Variants in FAM185A observed in about 807,000 individuals in gnomAD.
The protein encoded by FAM185A is family with sequence similarity 185 member A, also known as protein FAM185A.
In FAM185A, 21 loss-of-function variants were observed where a neutral mutation model predicts 45.7. The ratio of observed to expected loss-of-function variants is 0.46; its 90% CI spans 0.33 to 0.66. FAM185A has a LOEUF of 0.66. FAM185A is among the 30% of genes least tolerant of loss of function. The pLI, the probability that FAM185A is intolerant of heterozygous loss-of-function variation, is 0.03. For missense variants in FAM185A, 305 were observed against 485.4 expected (o/e 0.63, Z 3.49); for synonymous variants, 117 against 194.0 (o/e 0.60, Z 3.30).
chr7:102,759,951 G>A (rs1794008838), intron 3 of FAM185A, among the ~76,000 whole-genome samples: 1 of 152,062 alleles, frequency 6.6e-6, no homozygotes, highest in African/African-American at 2.4e-5. Flanking sequence ...ACAGGATGGT[G>A]ATATTTGCTT....
rs191625830 is a variant in FAM185A, at chr7:102,777,034, A to G, written c.836-219A>G. ...TTAGAGATAAGTTATTCAGGTTAATATAGATAAAGATTTTTAAATTAGTTG... is the reference window on the plus strand; with the variant it reads ...TTAGAGATAAGTTATTCAGGTTAATGTAGATAAAGATTTTTAAATTAGTTG... On this transcript the variant is annotated intron_variant, in intron 5 of 7. Transcript: ENST00000413034. Among the ~76,000 whole-genome samples, 9 of 152,310 alleles carry G rather than the reference A, an allele frequency of 5.9e-5. No homozygotes were observed. The East Asian group carries it at 1.7e-3, about 29-fold the overall frequency.
At chr7:102,805,986 C>T (rs1308582333) in intron 7 of FAM185A, among the ~76,000 whole-genome samples, 1 of 152,148 alleles carries the variant, frequency 6.6e-6, no homozygotes, top group Non-Finnish European at 1.5e-5. Flanking sequence ...CTGAGCTTCC[C>T]CTTATCTGAA....
intron 4 of FAM185A, among the ~76,000 whole-genome samples, chr7:102,769,859 A>G (rs1169797849): frequency 2.0e-5 from 3 of 151,442 alleles, no homozygotes; most frequent in Admixed American, 2.0e-4. Flanking sequence ...CTCTTGTAAT[A>G]GCTAACCCAC....
the FAM185A span, among the ~76,000 whole-genome samples, chr7:102,829,060 A>T: frequency 0.011 from 1,736 of 152,328 alleles, 25 homozygotes; most frequent in African/African-American, 0.039. Context: ...TAGAAACAGG[A>T]CATCTTTCCG....
At chr7:102,772,939 C>T (rs1229712635) in intron 5 of FAM185A, among the ~76,000 whole-genome samples, 15 of 151,968 alleles carry the variant, frequency 9.9e-5, no homozygotes, top group Admixed American at 4.6e-4. Context: ...TCAGAGACCT[C>T]ACCTTCTCTG....
the FAM185A span, among the ~76,000 whole-genome samples, chr7:102,834,090 GAA>G: frequency 0.011 from 741 of 70,510 alleles, 31 homozygotes; most frequent in African/African-American, 0.04. Flanking sequence ...GGAAAGAAAA[GAA>G]AGAAAGAAAG....
Position 102,749,250 on chromosome 7 carries a change from C to T in FAM185A, c.43C>T (p.Leu15Phe), listed in dbSNP as rs141352868. 0.075 allele frequency: 115,699 copies of T among 1,550,834 alleles called. 5,063 individuals carry two copies. The highest frequency in any genetic ancestry group is 0.16 in the South Asian group (13,389 of 84,044). ...AGGTTGGGAGCTTGGCTGCTTCCGT[C>T]TCTGTCTCCGTCAGGTCCGACTGTG... ...CSGWELGCFRLCLRQVRLWAG... is the reference protein window; with the variant it reads ...CSGWELGCFRFCLRQVRLWAG... The change falls in exon 1 of 8, where the codon CTC (leucine) becomes TTC (phenylalanine). Residue 15 changes from leucine to phenylalanine, a missense_variant. By Grantham distance (22) the Leu-to-Phe change is conservative (BLOSUM62 0). Transcript: ENST00000413034.
At chr7:102,803,346 T>C (rs1048954949) in intron 7 of FAM185A, among the ~76,000 whole-genome samples, 10 of 152,188 alleles carry the variant, frequency 6.6e-5, no homozygotes, top group African/African-American at 2.4e-4. Flanking sequence ...ATCAAGTGGG[T>C]TCCATACCAG....
intron 6 of FAM185A, 108 bp downstream of exon 6, chr7:102,777,456 A>T: frequency 1.4e-6 from 1 of 701,612 alleles, no homozygotes; most frequent in Non-Finnish European, 2.2e-6. Flanking sequence ...GATTTCAAGA[A>T]AATATCTTCT....
chr7:102,793,305 G>A (rs908508451), intron 7 of FAM185A, among the ~76,000 whole-genome samples: 1 of 151,990 alleles, frequency 6.6e-6, no homozygotes, highest in Admixed American at 6.6e-5. Context: ...TCTGCCTCCC[G>A]GGTTCCAGGG....
chr7:102,827,578 A>T, the FAM185A span, among the ~76,000 whole-genome samples: 12 of 152,014 alleles, frequency 7.9e-5, no homozygotes, highest in South Asian at 1.2e-3. Flanking sequence ...CACAATGTGC[A>T]TGTTTGTTAC....
intron 4 of FAM185A, among the ~76,000 whole-genome samples, chr7:102,770,679 G>C (rs1033759965): frequency 6.6e-6 from 1 of 152,096 alleles, no homozygotes; most frequent in African/African-American, 2.4e-5. Context: ...AGTCAGAATG[G>C]CTATTATTAA....
chr7:102,821,222 G>A, the FAM185A span, among the ~76,000 whole-genome samples: 1 of 152,092 alleles, frequency 6.6e-6, no homozygotes, highest in Non-Finnish European at 1.5e-5. Context: ...GACCTATCAG[G>A]AAGGGTTGAG....
chr7:102,753,741 C>CAA (rs551321147), intron 2 of FAM185A, among the ~76,000 whole-genome samples: 5,489 of 145,110 alleles, frequency 0.038, 116 homozygotes, highest in African/African-American at 0.06. Context: ...GATGAATTAG[C>CAA]AAAAAAAAAA....
At chr7:102,807,806 C>G (rs1416949779) in intron 7 of FAM185A, among the ~76,000 whole-genome samples, 1 of 151,698 alleles carries the variant, frequency 6.6e-6, no homozygotes, top group East Asian at 1.9e-4. Context: ...TGCCTGTAAT[C>G]CTAGCACTTT....
chr7:102,771,833 A>G (rs1794761370), intron 4 of FAM185A, among the ~76,000 whole-genome samples: 1 of 152,180 alleles, frequency 6.6e-6, no homozygotes, highest in Non-Finnish European at 1.5e-5. Context: ...CTTATCATGG[A>G]AAACATATTT....
chr7:102,815,399 G>A, the FAM185A span, among the ~76,000 whole-genome samples: 7 of 152,212 alleles, frequency 4.6e-5, no homozygotes, highest in South Asian at 1.0e-3. Context: ...TAGCTCAAAC[G>A]AGAGATTTCA....
the FAM185A span, among the ~76,000 whole-genome samples, chr7:102,837,371 A>G: frequency 1.1e-4 from 16 of 152,222 alleles, no homozygotes; most frequent in African/African-American, 3.4e-4. Context: ...GAACTCTGAA[A>G]GGGAAAGGGG....
intron 6 of FAM185A, among the ~76,000 whole-genome samples, chr7:102,782,306 A>G (rs10273887): frequency 0.015 from 2,286 of 152,306 alleles, 66 homozygotes; most frequent in African/African-American, 0.052. Flanking sequence ...AGAATGCCAC[A>G]AAGATACTCC....
Sources: allele counts gnomAD v4.1 joint callset (sites outside exome capture counted in the v4.1 genomes callset), GRCh38; gene constraint gnomAD v4.1.1; transcripts MANE v1.5; gene names NCBI Gene and HGNC (gene_info 2026-07-23, HGNC 2026-07-21).